ACVR1B: variants seen among roughly 807,000 people sequenced by gnomAD.
ACVR1B encodes activin receptor type-1B.
A neutral mutation model predicts 55.6 loss-of-function variants in ACVR1B; 15 were observed. The observed-to-expected ratio is 0.27, with a 90% CI of 0.18 to 0.42. The LOEUF is 0.42. Among genes scored for constraint, ACVR1B ranks in the 10% least tolerant of loss-of-function variants. The probability of loss-of-function intolerance (pLI) is 1.00; values close to 1 mark genes in which losing one functional copy is unlikely to be tolerated. For missense variants in ACVR1B, 359 were observed against 670.1 expected (o/e 0.54, Z 5.13); for synonymous variants, 247 against 254.6 (o/e 0.97, Z 0.28).
intron 1 of ACVR1B, among the ~76,000 whole-genome samples, chr12:51,961,670 C>T (rs11169966): frequency 3.6e-3 from 553 of 152,306 alleles, no homozygotes; most frequent in Non-Finnish European, 6.4e-3. Context: ...CCTCTCCATT[C>T]GTCCATACTA....
rs141734890 is a variant in ACVR1B, at chr12:51,973,570, G to A, written c.92-1695G>A. Among the ~76,000 whole-genome samples the A allele has an allele frequency of 2.6e-3, 399 of 152,324 alleles. 2 individuals are homozygous for A. The highest frequency in any genetic ancestry group is 9.0e-3 in the African/African-American group (373 of 41,580). On this transcript the variant is annotated intron_variant, in intron 1 of 8. Coordinates refer to ENST00000257963, the MANE Select transcript of ACVR1B (RefSeq NM_004302.5). Reference sequence around the variant, plus strand: ...AGGTATTTGGAAGGGAAAATGAAGCGATTCCTTAGTCTTTTTTGTGTCTAA... The same window carrying A: ...AGGTATTTGGAAGGGAAAATGAAGCAATTCCTTAGTCTTTTTTGTGTCTAA...
Position 51,985,186 on chromosome 12 carries a change from TGCCAGG to T in ACVR1B, c.980-4_981del. The T allele has an allele frequency of 6.2e-7, 1 of 1,604,478 alleles. No individual in the cohort carries two copies. Among genetic ancestry groups the T allele is most frequent in the Admixed American group, 1.7e-5 (1 of 57,908 alleles). On this transcript the variant is annotated splice_acceptor_variant and splice_polypyrimidine_tract_variant and coding_sequence_variant and intron_variant, in exon 6 of 9. Transcript: ENST00000257963. LOFTEE classifies it high-confidence loss of function. ...TTGTAAAGATCCCTGTTTTTTTCTC[TGCCAGG>T]GAAGCCTGGAATTGCTCATCGAGAC...
At chr12:51,956,773 T>C (rs964463306) in intron 1 of ACVR1B, among the ~76,000 whole-genome samples, 9 of 152,154 alleles carry the variant, frequency 5.9e-5, no homozygotes, top group Non-Finnish European at 1.3e-4. Context: ...TTTTTTTTCT[T>C]TTTTTGAGAC....
intron 7 of ACVR1B, among the ~76,000 whole-genome samples, chr12:51,991,109 G>C (rs1249713583): frequency 1.3e-5 from 2 of 152,182 alleles, no homozygotes; most frequent in African/African-American, 2.4e-5. Context: ...GTTGGAATAG[G>C]AGAGGCAGAA....
intron 1 of ACVR1B, among the ~76,000 whole-genome samples, chr12:51,958,328 T>TA (rs960520370): frequency 6.6e-6 from 1 of 152,120 alleles, no homozygotes; most frequent in Admixed American, 6.5e-5. Context: ...TCGTGGAAGA[T>TA]AATTTTCCCA....
At chr12:51,985,873 A>G (rs1942066863) in intron 6 of ACVR1B, among the ~76,000 whole-genome samples, 1 of 152,206 alleles carries the variant, frequency 6.6e-6, no homozygotes. Flanking sequence ...AATTGACTTC[A>G]TGAGTTGGAA....
rs768155033 is a variant in ACVR1B, at chr12:51,976,462, A to G, written c.467A>G (p.Tyr156Cys). 60 of 1,614,026 alleles carry G rather than the reference A, an allele frequency of 3.7e-5. No homozygotes were observed. Among genetic ancestry groups the G allele is most frequent in the Non-Finnish European group, 4.9e-5 (58 of 1,180,036 alleles). The stretch of plus-strand genomic sequence containing the variant: ...GTCATTAACTATCATCAGCGTGTCT[A>G]TCACAACCGCCAGAGACTGGACATG... ...FLVINYHQRV[Y>C]HNRQRLDMED... The change falls in exon 3 of 9, where the codon TAT becomes TGT. Residue 156 changes from tyrosine to cysteine, a missense_variant. This residue lies in a region of ACVR1B where 133 missense variants were observed against 188.2 expected (regional missense o/e 0.71). Transcript: ENST00000257963.
intron 3 of ACVR1B, among the ~76,000 whole-genome samples, chr12:51,979,070 G>C (rs1018267825): frequency 6.0e-5 from 9 of 150,664 alleles, no homozygotes; most frequent in Non-Finnish European, 1.3e-4. Context: ...AGCTGAGGCA[G>C]GAGAATTGCT....
chr12:51,953,782 T>C (rs1317172195), intron 1 of ACVR1B, among the ~76,000 whole-genome samples: 1 of 152,188 alleles, frequency 6.6e-6, no homozygotes, highest in East Asian at 1.9e-4. Flanking sequence ...TAGTTAAGAA[T>C]GTTTGATAAT....
At chr12:51,971,884 T>C (rs1464225507) in intron 1 of ACVR1B, among the ~76,000 whole-genome samples, 1 of 152,224 alleles carries the variant, frequency 6.6e-6, no homozygotes, top group Non-Finnish European at 1.5e-5. Context: ...TGGTTAATCA[T>C]GAGAAAAATG....
At chr12:51,966,045 A>G (rs566334814) in intron 1 of ACVR1B, among the ~76,000 whole-genome samples, 155 of 152,258 alleles carry the variant, frequency 1.0e-3, no homozygotes, top group Admixed American at 1.5e-3. Context: ...CTGGAAAAGT[A>G]GAAGAGGAAA....
In ACVR1B at chr12:51,995,652, G is replaced by A. The variant is rs2120784741; in HGVS notation, c.*1542G>A. On this transcript the variant is annotated 3_prime_UTR_variant, in exon 9 of 9. Coordinates refer to ENST00000257963, the MANE Select transcript of ACVR1B (RefSeq NM_004302.5). The stretch of plus-strand genomic sequence containing the variant: ...TTTGTAAAAGGAAAACCATCTCTGT[G>A]ATTACCTCTCAATCTATTTGTTTTT... 6.6e-6 allele frequency: 1 copy of A among 151,780 alleles called. No homozygotes were observed. The highest frequency in any genetic ancestry group is 2.1e-4 in the South Asian group (1 of 4,786). The allele number at this position is 151,780 out of a possible 1,614,324, so 9.4% of individuals were successfully genotyped here.
chr12:51,955,767 C>G (rs892778423), intron 1 of ACVR1B, among the ~76,000 whole-genome samples: 1 of 152,128 alleles, frequency 6.6e-6, no homozygotes, highest in African/African-American at 2.4e-5. Flanking sequence ...AAAGGGAATC[C>G]TAGAGTCCTT....
At chr12:51,973,535 G>A (rs1406668226) in intron 1 of ACVR1B, among the ~76,000 whole-genome samples, 1 of 152,194 alleles carries the variant, frequency 6.6e-6, no homozygotes, top group Admixed American at 6.5e-5. Flanking sequence ...ATAAGAGAGG[G>A]AGCAAACAAA....
At chr12:51,986,712 C>A in intron 6 of ACVR1B, 106 bp from the exon 7 acceptor site, 1 of 1,456,638 alleles carries the variant, frequency 6.9e-7, no homozygotes, top group Non-Finnish European at 9.2e-7. Context: ...GGGACTTTAT[C>A]AGGGTGATAC....
At chr12:51,965,326 GA>G (rs35283811) in intron 1 of ACVR1B, among the ~76,000 whole-genome samples, 3 of 151,792 alleles carry the variant, frequency 2.0e-5, no homozygotes, top group Non-Finnish European at 2.9e-5. Context: ...GTAAGCAGGG[GA>G]AAAAAAGCTA....
At chr12:51,970,401 C>T (rs78813761) in intron 1 of ACVR1B, among the ~76,000 whole-genome samples, 1,903 of 152,286 alleles carry the variant, frequency 0.012, 34 homozygotes, top group African/African-American at 0.044. Context: ...GACAGCTATA[C>T]CTGCCTCAGC....
chr12:51,965,843 A>G (rs531384305), intron 1 of ACVR1B, among the ~76,000 whole-genome samples: 9 of 152,350 alleles, frequency 5.9e-5, no homozygotes, highest in Non-Finnish European at 1.2e-4. Flanking sequence ...TCTTAGAACT[A>G]CTTAAGGAAA....
At chr12:51,985,914 G>A (rs1317081287) in intron 6 of ACVR1B, among the ~76,000 whole-genome samples, 3 of 152,174 alleles carry the variant, frequency 2.0e-5, no homozygotes, top group South Asian at 2.1e-4. Context: ...AGTGGAAGAG[G>A]TGGAAATCTG....
Sources: gnomAD v4.1 joint callset for allele counts (sites outside exome capture counted in the v4.1 genomes callset) on GRCh38, gnomAD v4.1.1 for gene constraint, gnomAD v4.1.1 regional missense constraint, MANE v1.5 for transcripts, NCBI Gene and HGNC (gene_info 2026-07-23, HGNC 2026-07-21) for gene names.